TRAPPC12: variants seen among roughly 807,000 people sequenced by gnomAD.
TRAPPC12 encodes the protein trafficking protein particle complex subunit 12.
Under a neutral mutation model 69.2 loss-of-function variants are expected in TRAPPC12, and 61 were observed. The ratio of observed to expected loss-of-function variants is 0.88; its 90% confidence interval spans 0.72 to 1.09. The LOEUF (loss-of-function observed/expected upper bound fraction) is 1.09, where lower values mean the gene tolerates loss of function less well. TRAPPC12 is among the 50% of genes least tolerant of loss of function. The pLI is 0.00. For synonymous variants in TRAPPC12, 469 were observed against 438.9 expected, an observed-to-expected ratio of 1.07 and a Z score of -0.86; for missense variants, 1,101 against 1,016.4, an observed-to-expected ratio of 1.08 and a Z score of -1.13.
chr2:3,413,653 A>C lies in TRAPPC12; in HGVS notation c.1165-8228A>C, dbSNP rs564309694. Among the ~76,000 whole-genome samples the C allele has an allele frequency of 3.9e-5, 6 of 152,334 alleles. No homozygotes were observed. In the East Asian group the frequency reaches 1.2e-3, roughly 29 times the overall value. ...TATGTTTTTTTAAAAAAAGACGACA[A>C]GGATGCATCTGAGAATACTGTGCCA... On this transcript the variant is annotated intron_variant, in intron 3 of 11. Transcript: ENST00000324266.
At chr2:3,409,921 A>T (rs2103487862) in intron 3 of TRAPPC12, among the ~76,000 whole-genome samples, 3 of 152,252 alleles carry the variant, frequency 2.0e-5, no homozygotes, top group Admixed American at 2.0e-4. Context: ...CTGAGGTGTG[A>T]GGCTGGGTCT....
chr2:3,475,591 A>T (rs1436041139), intron 9 of TRAPPC12, among the ~76,000 whole-genome samples: 3 of 152,094 alleles, frequency 2.0e-5, no homozygotes, highest in Admixed American at 6.5e-5. Context: ...CTTTCTAATC[A>T]TCAGGAAAGT....
At chr2:3,435,811 T>C (rs929003374) in intron 5 of TRAPPC12, among the ~76,000 whole-genome samples, 2 of 152,230 alleles carry the variant, frequency 1.3e-5, no homozygotes, top group African/African-American at 4.8e-5. Flanking sequence ...GAGGGACATT[T>C]TCCTGTGTGA....
intron 6 of TRAPPC12, among the ~76,000 whole-genome samples, chr2:3,447,937 C>T (rs148672953): frequency 3.3e-5 from 5 of 152,282 alleles, no homozygotes; most frequent in East Asian, 3.9e-4. Flanking sequence ...CCTCTCGGTC[C>T]GTGGACTGCC....
intron 6 of TRAPPC12, among the ~76,000 whole-genome samples, chr2:3,447,820 C>G (rs971346080): frequency 6.6e-6 from 1 of 152,202 alleles, no homozygotes; most frequent in African/African-American, 2.4e-5. Context: ...AGAGAGAGGT[C>G]AGACCAGAGA....
At chr2:3,384,235 C>T (rs1432701079) in intron 1 of TRAPPC12, among the ~76,000 whole-genome samples, 1 of 152,108 alleles carries the variant, frequency 6.6e-6, no homozygotes, top group African/African-American at 2.4e-5. Flanking sequence ...TTGATGTATT[C>T]TACATAAATA....
intron 5 of TRAPPC12, among the ~76,000 whole-genome samples, chr2:3,425,220 G>A (rs928117123): frequency 3.3e-5 from 5 of 152,188 alleles, no homozygotes; most frequent in Non-Finnish European, 7.3e-5. Context: ...GGAGAAGGGC[G>A]GGTTACGGAG....
intron 8 of TRAPPC12, among the ~76,000 whole-genome samples, chr2:3,463,257 G>A (rs1665606511): frequency 6.6e-6 from 1 of 152,070 alleles, no homozygotes; most frequent in Non-Finnish European, 1.5e-5. Context: ...CTCATCTGCT[G>A]TATTGACGAT....
chr2:3,401,919 G>A (rs749011137), intron 3 of TRAPPC12, 26 bp downstream of exon 3: 1 of 1,458,776 alleles, frequency 6.9e-7, no homozygotes, highest in Non-Finnish European at 9.4e-7. Flanking sequence ...TTTGATTTCA[G>A]TGTTGTTTTG....
At chr2:3,406,357 C>T (rs58079296) in intron 3 of TRAPPC12, among the ~76,000 whole-genome samples, 3,134 of 152,288 alleles carry the variant, frequency 0.021, 143 homozygotes, top group African/African-American at 0.071. Flanking sequence ...CCCAAATTGC[C>T]TTTCTTCCCC....
At position 3,388,015 on chromosome 2, in the gene TRAPPC12, C is replaced by G; in HGVS notation, c.392C>G (p.Pro131Arg). 1 of 1,469,218 alleles carries G rather than the reference C, an allele frequency of 6.8e-7. No individual in the cohort carries two copies. Among genetic ancestry groups the G allele is most frequent in the Non-Finnish European group, 9.0e-7 (1 of 1,117,262 alleles). 91.0% of individuals were successfully genotyped at this position (1,469,218 alleles called of 1,614,324 possible). A position where few individuals can be genotyped will look rare whatever the true frequency, so the allele number is the denominator to read the frequency against. The change falls in exon 2 of 12, where the codon CCG (proline) becomes CGG (arginine). Residue 131 changes from proline to arginine, a missense_variant. Pro to Arg is a moderately radical substitution (Grantham distance 103). Coordinates refer to ENST00000324266, the MANE Select transcript of TRAPPC12 (RefSeq NM_016030.6). ...GCGGCACCCAGTAGCGGAGGGGCCC[C>G]GAGGCAGGACGCGGCCCGCGAGGTC... ...EDAAPSSGGA[P>R]RQDAAREVPG...
chr2:3,464,621 A>G (rs1665707898), intron 8 of TRAPPC12, among the ~76,000 whole-genome samples: 1 of 152,260 alleles, frequency 6.6e-6, no homozygotes, highest in Non-Finnish European at 1.5e-5. Context: ...CATTTAGTGC[A>G]GGGCCTGCCG....
At chr2:3,471,421 C>T (rs935173898) in intron 9 of TRAPPC12, among the ~76,000 whole-genome samples, 3 of 152,202 alleles carry the variant, frequency 2.0e-5, no homozygotes, top group African/African-American at 7.2e-5. Flanking sequence ...TGTCAGCGCA[C>T]CCGCCAGACA....
chr2:3,479,508 T>C lies in TRAPPC12; in HGVS notation c.*47T>C. 1 of 1,600,220 alleles carries C rather than the reference T, an allele frequency of 6.2e-7. No individual in the cohort carries two copies. Among genetic ancestry groups the C allele is most frequent in the Non-Finnish European group, 8.5e-7 (1 of 1,172,854 alleles). ...AGAAGGACCCGGGTCTTTGAAACTG[T>C]GTCTTGAAGCTAATGTATTAATGTG... On this transcript the variant is annotated 3_prime_UTR_variant, in exon 12 of 12. Coordinates refer to ENST00000324266, the MANE Select transcript of TRAPPC12 (RefSeq NM_016030.6).
At chr2:3,429,835 T>C (rs1663327401) in intron 5 of TRAPPC12, among the ~76,000 whole-genome samples, 1 of 152,258 alleles carries the variant, frequency 6.6e-6, no homozygotes, top group Admixed American at 6.5e-5. Context: ...AAATATTAAA[T>C]ACTCGGACCA....
intron 2 of TRAPPC12, among the ~76,000 whole-genome samples, chr2:3,396,250 TTTC>T (rs1225544432): frequency 1.3e-5 from 2 of 152,176 alleles, no homozygotes; most frequent in African/African-American, 2.4e-5. Flanking sequence ...TTTTTTTTTT[TTTC>T]TTTTTAGACC....
At chr2:3,475,892 CG>C (rs1666272574) in intron 9 of TRAPPC12, among the ~76,000 whole-genome samples, 2 of 152,254 alleles carry the variant, frequency 1.3e-5, no homozygotes, top group Admixed American at 1.3e-4. Context: ...GCGCTTGCCA[CG>C]GCCGCCGGCA....
intron 7 of TRAPPC12, among the ~76,000 whole-genome samples, chr2:3,458,888 T>C (rs960988604): frequency 3.3e-5 from 5 of 152,334 alleles, no homozygotes; most frequent in Admixed American, 2.6e-4. Context: ...ATGCAATTCA[T>C]TGAGACAATC....
At chr2:3,405,940 T>A (rs1458701829) in intron 3 of TRAPPC12, among the ~76,000 whole-genome samples, 1 of 152,178 alleles carries the variant, frequency 6.6e-6, no homozygotes, top group Non-Finnish European at 1.5e-5. Context: ...ATAGGGAAGC[T>A]GCTTGTACTA....
Sources: gnomAD v4.1 joint callset for allele counts (sites outside exome capture counted in the v4.1 genomes callset) on GRCh38, gnomAD v4.1.1 for gene constraint, MANE v1.5 for transcripts, NCBI Gene and HGNC (gene_info 2026-07-23, HGNC 2026-07-21) for gene names.